TBC1D10B: variants seen among roughly 807,000 people sequenced by gnomAD.
The protein encoded by TBC1D10B is Rab27A-GAPbeta.
TBC1D10B carries 25 observed loss-of-function variants against 78.4 expected under a neutral mutation model. That is an observed-to-expected ratio of 0.32 (90% confidence interval 0.23 to 0.45). The LOEUF is 0.45. TBC1D10B is among the 20% of genes least tolerant of loss of function. The pLI, the probability that TBC1D10B is intolerant of heterozygous loss-of-function variation, is 1.00. For synonymous variants in TBC1D10B, 517 were observed against 478.0 expected (o/e 1.08, Z -1.06); for missense variants, 996 against 1,104.8 (o/e 0.90, Z 1.40).
chr16:30,368,297 T>C (rs1158792134), intron 1 of TBC1D10B, among the ~76,000 whole-genome samples: 1 of 152,184 alleles, frequency 6.6e-6, no homozygotes, highest in Admixed American at 6.5e-5. Flanking sequence ...CTCCCTGCTC[T>C]AGGTGCCTCA....
In TBC1D10B at chr16:30,370,020, G is replaced by A; in HGVS notation, c.164C>T (p.Pro55Leu). The A allele has an allele frequency of 5.7e-6, 7 of 1,231,896 alleles. No individual in the cohort carries two copies. The highest frequency in any genetic ancestry group is 7.1e-6 in the Non-Finnish European group (7 of 987,748). The allele number at this position is 1,231,896 out of a possible 1,614,324, so 76.3% of individuals were successfully genotyped here. A position where few individuals can be genotyped will look rare whatever the true frequency, so the allele number is the denominator to read the frequency against. ...ATSAPVTLVA[P>L]GEARPAWVPG... ...GACCCAGGCGGGCCGCGCCTCCCCGGGGGCCACCAGGGTGACGGGGGCCGA... is the reference window on the plus strand; with the variant it reads ...GACCCAGGCGGGCCGCGCCTCCCCGAGGGCCACCAGGGTGACGGGGGCCGA... The change falls in exon 1 of 9, where the codon CCC becomes CTC. Residue 55 changes from proline (P) to leucine (L), a missense_variant. Physicochemically the swap from Pro to Leu is moderately conservative, Grantham distance 98. Around this residue, in one of 5 missense-constraint regions of TBC1D10B, gnomAD observed 448 missense variants for 442.1 expected, o/e 1.01. Transcript: ENST00000409939.
Position 30,365,814 on chromosome 16 carries a change from A to C in TBC1D10B, c.957-220T>G, listed in dbSNP as rs2151102471. On this transcript the variant is annotated intron_variant, in intron 1 of 8. Transcript: ENST00000409939. This position sits in a 1 kb window ranked among gnomAD's most constrained non-coding sequence, Gnocchi z 5.0. ...TATTCAGAGGTCATATTTAAATCTCACTTCTGACACATCCAAATCTGGGGA... is the reference window on the plus strand; with the variant it reads ...TATTCAGAGGTCATATTTAAATCTCCCTTCTGACACATCCAAATCTGGGGA... 5.7e-5 allele frequency: 30 copies of C among 527,248 alleles called. No individual in the cohort carries two copies. Among genetic ancestry groups the C allele is most frequent in the East Asian group, 1.6e-4 (5 of 30,824 alleles). 32.7% of individuals were successfully genotyped at this position (527,248 alleles called of 1,614,324 possible). A position where few individuals can be genotyped will look rare whatever the true frequency, so the allele number is the denominator to read the frequency against.
chr16:30,357,989 A>C lies in TBC1D10B; in HGVS notation c.2382T>G (p.Gly794=). The change falls in exon 9 of 9, where the codon GGT becomes GGG. Residue 794 remains glycine, a synonymous_variant. Coordinates refer to ENST00000409939, the MANE Select transcript of TBC1D10B (RefSeq NM_015527.4). ...GGGCCTCGGCTGAGGGCCTGTCCCC[A>C]CCATCATGGGGGCCTGGGGGCCCAT... The part of the protein sequence containing the change: ...KADGPPGPHD[G]GDRPSAEARQ... 6.4e-7 allele frequency: 1 copy of C among 1,551,686 alleles called. No homozygotes were observed. Among genetic ancestry groups the C allele is most frequent in the Non-Finnish European group, 8.7e-7 (1 of 1,146,966 alleles).
At position 30,358,100 on chromosome 16, in the gene TBC1D10B, TTCCTGCTTCTCTCGCTCTTTC is replaced by T; in HGVS notation, c.2250_2270del (p.Glu761_Arg767del). 1.3e-6 allele frequency: 2 copies of T among 1,549,940 alleles called. No homozygotes were observed. Among genetic ancestry groups the T allele is most frequent in the Non-Finnish European group, 8.7e-7 (1 of 1,145,590 alleles). The stretch of plus-strand genomic sequence containing the variant: ...CCTTCTCCTGCTTCTCTCGCTCCTT[TTCCTGCTTCTCTCGCTCTTTC>T]TCCTGCTTCTGCCGCTCCTTCTCCC... On this transcript the variant is annotated inframe_deletion, in exon 9 of 9. Transcript: ENST00000409939.
At position 30,358,528 on chromosome 16, in the gene TBC1D10B, C is replaced by T. The variant is rs369625370; in HGVS notation, c.1843G>A (p.Ala615Thr). 6 of 1,610,324 alleles carry T rather than the reference C, an allele frequency of 3.7e-6. No individual in the cohort carries two copies. The highest frequency in any genetic ancestry group is 5.1e-6 in the Non-Finnish European group (6 of 1,177,514). Residue 615 changes from alanine to threonine, a missense_variant, in exon 9 of 9, where the codon GCA becomes ACA. Ala to Thr is a moderately conservative substitution (Grantham distance 58). This residue lies in a region of TBC1D10B where 168 missense variants were observed against 238.7 expected (regional missense o/e 0.70). Coordinates refer to ENST00000409939, the MANE Select transcript of TBC1D10B (RefSeq NM_015527.4). ...VTEALIEREN[A>T]AQLKKWRETR... ...TCCCGCCACTTCTTGAGCTGGGCTG[C>T]ATTCTCCCGCTCAATCAGTGCTTCT...
rs2049561522 is a variant in TBC1D10B at position 30,357,578 on chromosome 16, C to T, written c.*366G>A. 3 of 272,578 alleles carry T rather than the reference C, an allele frequency of 1.1e-5. No individual in the cohort carries two copies. The highest frequency in any genetic ancestry group is 1.4e-4 in the East Asian group (2 of 14,116). 16.9% of individuals were successfully genotyped at this position (272,578 alleles called of 1,614,324 possible). On this transcript the variant is annotated 3_prime_UTR_variant, in exon 9 of 9. Coordinates refer to ENST00000409939, the MANE Select transcript of TBC1D10B (RefSeq NM_015527.4). The stretch of plus-strand genomic sequence containing the variant: ...ACAGGGAAAAGGAAGCCAGCTCCAC[C>T]TCATGGTAAGGGGAGCTATGGAGTG...
At chr16:30,368,430 G>A (rs2049653989) in intron 1 of TBC1D10B, among the ~76,000 whole-genome samples, 1 of 152,160 alleles carries the variant, frequency 6.6e-6, no homozygotes, top group Middle Eastern at 3.2e-3. Flanking sequence ...CTTAGCACCT[G>A]GGGCCTGACA....
Position 30,357,619 on chromosome 16 carries a change from G to A in TBC1D10B, c.*325C>T. On this transcript the variant is annotated 3_prime_UTR_variant, in exon 9 of 9. Transcript: ENST00000409939. ...CTATGGAGTGTAAGAATCTGAAACT[G>A]CTGACTCCCATCACCAGGAGTCACC... The A allele has an allele frequency of 2.5e-6, 1 of 406,806 alleles. No individual in the cohort carries two copies. Among genetic ancestry groups the A allele is most frequent in the Non-Finnish European group, 4.5e-6 (1 of 223,716 alleles). The allele number at this position is 406,806 out of a possible 1,614,324, so 25.2% of individuals were successfully genotyped here.
At chr16:30,360,041 A>G in intron 4 of TBC1D10B, 200 bp from the exon 5 acceptor site, 1 of 574,522 alleles carries the variant, frequency 1.7e-6, no homozygotes, top group Non-Finnish European at 3.1e-6. Flanking sequence ...TACATACTCC[A>G]CATGCTCCTG....
intron 6 of TBC1D10B, 68 bp from the exon 7 acceptor site, chr16:30,359,429 G>A (rs555307653): frequency 2.0e-5 from 31 of 1,545,534 alleles, no homozygotes; most frequent in Admixed American, 5.9e-5. Flanking sequence ...AGAACTGGCC[G>A]GCCCTGTGGG....
rs1163653652 is a variant in TBC1D10B at position 30,365,306 on chromosome 16, G to A, written c.1057-94C>T. 220 of 1,282,386 alleles carry A rather than the reference G, an allele frequency of 1.7e-4. No individual in the cohort carries two copies. In the Admixed American group the frequency reaches 3.8e-3, roughly 22 times the overall value. The allele number at this position is 1,282,386 out of a possible 1,614,324, so 79.4% of individuals were successfully genotyped here. A position where few individuals can be genotyped will look rare whatever the true frequency, so the allele number is the denominator to read the frequency against. On this transcript the variant is annotated intron_variant, in intron 2 of 8. Coordinates refer to ENST00000409939, the MANE Select transcript of TBC1D10B (RefSeq NM_015527.4). This position sits in a 1 kb window ranked among gnomAD's most constrained non-coding sequence, Gnocchi z 5.0. ...CCACAAACTCCCTGGATACTCCTCCGACATCCCATAGGCTTGATTCCACTG... is the reference window on the plus strand; with the variant it reads ...CCACAAACTCCCTGGATACTCCTCCAACATCCCATAGGCTTGATTCCACTG...
chr16:30,359,413 CAG>C (rs2049584404), intron 6 of TBC1D10B, 52 bp from the exon 7 acceptor site: 31 of 1,546,784 alleles, frequency 2.0e-5, no homozygotes, highest in Non-Finnish European at 2.4e-5. Flanking sequence ...GTGCCCCCAT[CAG>C]GGGAGAACTG....
At chr16:30,359,436 T>A in intron 6 of TBC1D10B, 75 bp from the exon 7 acceptor site, 2 of 1,545,608 alleles carry the variant, frequency 1.3e-6, no homozygotes, top group Admixed American at 3.9e-5. Flanking sequence ...GCCGGCCCTG[T>A]GGGCAGAAGC....
chr16:30,362,301 C>T (rs2049604869), intron 4 of TBC1D10B, among the ~76,000 whole-genome samples: 1 of 152,180 alleles, frequency 6.6e-6, no homozygotes, highest in Non-Finnish European at 1.5e-5. Context: ...CTGTTTTTAA[C>T]ATGGTCACTA....
At chr16:30,359,962 C>T in intron 4 of TBC1D10B, 121 bp from the exon 5 acceptor site, 1 of 906,008 alleles carries the variant, frequency 1.1e-6, no homozygotes, top group Admixed American at 2.6e-5. Context: ...CCCAGTCCTG[C>T]TGAGCGAGCT....
At chr16:30,368,147 A>G (rs1014480883) in intron 1 of TBC1D10B, 24 of 152,206 alleles carry the variant, frequency 1.6e-4, no homozygotes, top group African/African-American at 5.5e-4. Context: ...TTGGTACCCA[A>G]TCAAAGGCTT....
intron 7 of TBC1D10B, 41 bp downstream of exon 7, chr16:30,359,131 G>C: frequency 6.4e-7 from 1 of 1,565,422 alleles, no homozygotes; most frequent in African/African-American, 1.4e-5. Flanking sequence ...AGCCACCACA[G>C]AAACCCCAGC....
chr16:30,364,387 G>A (rs1380314660), intron 4 of TBC1D10B, among the ~76,000 whole-genome samples: 2 of 151,888 alleles, frequency 1.3e-5, no homozygotes, highest in Non-Finnish European at 2.9e-5. Context: ...GTTGCAGTGG[G>A]CTGAGATCAC....
chr16:30,364,888 C>CCTTACCCATGCCCACCTTACCCAT lies in TBC1D10B; in HGVS notation c.1271+11_1271+12insATGGGTAAGGTGGGCATGGGTAAG, dbSNP rs1567413702. ...TGTTTGCTGACTGACCCCCATGGTC[C>CCTTACCCATGCCCACCTTACCCAT]GGCCACCTTACCCATGCCCCCCTCG... On this transcript the variant is annotated intron_variant, in intron 4 of 8. Transcript: ENST00000409939. 1 of 1,597,026 alleles carries CCTTACCCATGCCCACCTTACCCAT rather than the reference C, an allele frequency of 6.3e-7. No homozygotes were observed. The highest frequency in any genetic ancestry group is 1.1e-5 in the South Asian group (1 of 88,100).
Sources: gnomAD v4.1 joint callset for allele counts (sites outside exome capture counted in the v4.1 genomes callset) on GRCh38, gnomAD v4.1.1 for gene constraint, gnomAD v4.1.1 regional missense constraint, Gnocchi (gnomAD v3.1) non-coding constraint, MANE v1.5 for transcripts, NCBI Gene and HGNC (gene_info 2026-07-23, HGNC 2026-07-21) for gene names.